Variants in PRPSAP2 observed in about 807,000 individuals in gnomAD.
PRPSAP2 encodes phosphoribosyl pyrophosphate synthase-associated protein 2.
In PRPSAP2, 24 loss-of-function variants were observed where a neutral mutation model predicts 40.6. That is an observed-to-expected ratio of 0.59 (90% CI 0.43 to 0.83). The LOEUF (loss-of-function observed/expected upper bound fraction) is 0.83, where lower values mean the gene tolerates loss of function less well. Ranked by LOEUF, PRPSAP2 falls within the 40% of genes least tolerant of loss-of-function variation. PRPSAP2 has a pLI of 0.00. For missense variants in PRPSAP2, 292 were observed against 465.6 expected, an observed-to-expected ratio of 0.63 and a Z score of 3.43; for synonymous variants, 149 against 164.7, an observed-to-expected ratio of 0.90 and a Z score of 0.73.
chr17:18,926,415 C>A (rs888620547), intron 10 of PRPSAP2, among the ~76,000 whole-genome samples: 1 of 151,714 alleles, frequency 6.6e-6, no homozygotes, highest in East Asian at 2.0e-4. Context: ...TACAGGTGCA[C>A]GCCACCACGT....
chr17:18,911,096 C>T lies in PRPSAP2; in HGVS notation c.585-7C>T. The T allele has an allele frequency of 5.6e-6, 9 of 1,598,226 alleles. No homozygotes were observed. The highest frequency in any genetic ancestry group is 7.7e-6 in the Non-Finnish European group (9 of 1,169,512). ...GTTTTGAGCTTGTGTCTGGTGTTTT[C>T]CCTCAGGGCACAGTCTTTTGCTGAG... On this transcript the variant is annotated splice_region_variant and splice_polypyrimidine_tract_variant and intron_variant, in intron 8 of 11. Coordinates refer to ENST00000268835, the MANE Select transcript of PRPSAP2 (RefSeq NM_002767.4). The surrounding 1 kb of genome is among the most constrained non-coding windows in gnomAD (Gnocchi z 4.5).
chr17:18,868,901 A>G (rs1312834185), intron 4 of PRPSAP2, among the ~76,000 whole-genome samples: 2 of 152,086 alleles, frequency 1.3e-5, no homozygotes, highest in African/African-American at 2.4e-5. Flanking sequence ...TAAAGCCTAC[A>G]GGAGGCTTTG....
chr17:18,906,190 A>T (rs909246003), intron 8 of PRPSAP2, among the ~76,000 whole-genome samples: 1 of 152,040 alleles, frequency 6.6e-6, no homozygotes, highest in Non-Finnish European at 1.5e-5. Flanking sequence ...ATGTTTACTT[A>T]CGTGTGTCTG....
intron 8 of PRPSAP2, among the ~76,000 whole-genome samples, chr17:18,903,040 T>A (rs2151942971): frequency 6.6e-6 from 1 of 152,264 alleles, no homozygotes; most frequent in East Asian, 1.9e-4. Context: ...GCTCTTTGAC[T>A]GGTAGGTCAG....
At chr17:18,912,159 G>A (rs941154461) in intron 9 of PRPSAP2, among the ~76,000 whole-genome samples, 1 of 151,064 alleles carries the variant, frequency 6.6e-6, no homozygotes, top group Non-Finnish European at 1.5e-5. Context: ...TCCAGCCTGG[G>A]CAACAAGAGT....
chr17:18,899,519 GTTTTTTTTTTTT>G (rs574203117), intron 8 of PRPSAP2, among the ~76,000 whole-genome samples: 21 of 60,558 alleles, frequency 3.5e-4, no homozygotes, highest in African/African-American at 1.2e-3. Flanking sequence ...ATCCAACTGA[GTTTTTTTTTTTT>G]TTTTTTTTTT....
chr17:18,898,147 C>A (rs760147705), intron 8 of PRPSAP2, among the ~76,000 whole-genome samples: 1 of 150,502 alleles, frequency 6.6e-6, no homozygotes, highest in Non-Finnish European at 1.5e-5. Context: ...TATAGGCGAG[C>A]GCCACCACGC....
chr17:18,923,930 A>G lies in PRPSAP2; in HGVS notation c.750A>G (p.Glu250=). ...TCCAACCAGTGCTGATTCCTAAAGAAAAGCCCCCAATCACGGTTGTGGGTG... is the reference window on the plus strand; with the variant it reads ...TCCAACCAGTGCTGATTCCTAAAGAGAAGCCCCCAATCACGGTTGTGGGTG... The part of the protein sequence containing the change: ...SLEIPMLIPK[E]KPPITVVGDV... Residue 250 remains glutamate (E), a synonymous_variant, in exon 10 of 12, where the codon GAA becomes GAG. Coordinates refer to ENST00000268835, the MANE Select transcript of PRPSAP2 (RefSeq NM_002767.4). 3 of 1,613,638 alleles carry G rather than the reference A, an allele frequency of 1.9e-6. No individual in the cohort carries two copies. Among genetic ancestry groups the G allele is most frequent in the Non-Finnish European group, 2.5e-6 (3 of 1,179,596 alleles).
At chr17:18,908,756 A>G (rs555078130) in intron 8 of PRPSAP2, 2 of 725,772 alleles carry the variant, frequency 2.8e-6, no homozygotes, top group Non-Finnish European at 2.5e-6. Flanking sequence ...GAGATCGGAG[A>G]GAAAAGAAAG....
intron 8 of PRPSAP2, among the ~76,000 whole-genome samples, chr17:18,909,402 C>T (rs999769687): frequency 4.6e-5 from 7 of 151,976 alleles, no homozygotes; most frequent in Middle Eastern, 6.8e-3. Flanking sequence ...CCACCCAGTC[C>T]GGCTAATTTT....
chr17:18,930,077 A>G (rs1420232768), intron 11 of PRPSAP2, among the ~76,000 whole-genome samples: 1 of 151,978 alleles, frequency 6.6e-6, no homozygotes, highest in African/African-American at 2.4e-5. Flanking sequence ...TCAAATCTTA[A>G]CCTAAGAAAC....
intron 4 of PRPSAP2, among the ~76,000 whole-genome samples, chr17:18,871,323 A>T (rs1379725060): frequency 6.6e-6 from 1 of 152,128 alleles, no homozygotes; most frequent in Non-Finnish European, 1.5e-5. Context: ...CCCAGCCTAA[A>T]GGGTCTTTTA....
rs142521790 is a variant in PRPSAP2 at position 18,925,347 on chromosome 17, C to T, written c.804+1363C>T. 3.2e-3 allele frequency among the ~76,000 whole-genome samples: 483 copies of T among 152,318 alleles called. 1 individual carries two copies. The highest frequency in any genetic ancestry group is 0.011 in the African/African-American group (467 of 41,578). ...CTGGTCTCTTTGCCTCAGAGGTTGTCACTGATGTGAAAGCTGCCCATCTTG... is the reference window on the plus strand; with the variant it reads ...CTGGTCTCTTTGCCTCAGAGGTTGTTACTGATGTGAAAGCTGCCCATCTTG... On this transcript the variant is annotated intron_variant, in intron 10 of 11. Transcript: ENST00000268835.
intron 9 of PRPSAP2, among the ~76,000 whole-genome samples, chr17:18,923,239 A>G (rs936296307): frequency 7.1e-6 from 1 of 141,248 alleles, no homozygotes; most frequent in East Asian, 2.1e-4. Flanking sequence ...ACAGGCGCCC[A>G]CTAGCACACT....
chr17:18,900,899 G>A (rs1017696957), intron 8 of PRPSAP2, among the ~76,000 whole-genome samples: 1 of 152,084 alleles, frequency 6.6e-6, no homozygotes, highest in Non-Finnish European at 1.5e-5. Flanking sequence ...TGCTGAGTTG[G>A]GGGTAGAAGT....
chr17:18,930,567 G>C lies in PRPSAP2; in HGVS notation c.979G>C (p.Glu327Gln). 2 of 1,613,052 alleles carry C rather than the reference G, an allele frequency of 1.2e-6. No homozygotes were observed. The highest frequency in any genetic ancestry group is 1.7e-6 in the Non-Finnish European group (2 of 1,179,368). ...EVVVTNTIPH[E>Q]VQKLQCPKIK... ...GGTGGTCACCAATACAATTCCACAT[G>C]AAGTCCAGAAGCTCCAGTGCCCCAA... is the stretch of plus-strand genomic sequence containing the variant. Residue 327 changes from glutamate to glutamine, a missense_variant, in exon 12 of 12, where the codon GAA becomes CAA. Physicochemically the swap from Glu to Gln is conservative, Grantham distance 29. This residue lies in a region of PRPSAP2 where 241 missense variants were observed against 425.7 expected (regional missense o/e 0.57). Transcript: ENST00000268835.
At chr17:18,884,320 C>T (rs374582172) in intron 7 of PRPSAP2, among the ~76,000 whole-genome samples, 1 of 137,696 alleles carries the variant, frequency 7.3e-6, no homozygotes, top group African/African-American at 2.8e-5. Context: ...ATAATAGAGA[C>T]TTTAATTTTA....
intron 9 of PRPSAP2, among the ~76,000 whole-genome samples, chr17:18,921,648 G>T (rs189201499): frequency 3.3e-5 from 5 of 152,194 alleles, no homozygotes; most frequent in African/African-American, 1.2e-4. Context: ...GAATCAAGGG[G>T]GTGGCTACTG....
intron 8 of PRPSAP2, among the ~76,000 whole-genome samples, chr17:18,898,081 C>T (rs2040035466): frequency 1.4e-5 from 2 of 147,914 alleles, no homozygotes; most frequent in Non-Finnish European, 3.0e-5. Context: ...TCTTGGTAAC[C>T]TCCGCCTCCC....
Sources: allele counts gnomAD v4.1 joint callset (sites outside exome capture counted in the v4.1 genomes callset), GRCh38; gene constraint gnomAD v4.1.1; regional missense constraint gnomAD v4.1.1; non-coding constraint Gnocchi (gnomAD v3.1); transcripts MANE v1.5; gene names NCBI Gene and HGNC (gene_info 2026-07-23, HGNC 2026-07-21).